KAZN: variants seen among roughly 807,000 people sequenced by gnomAD.
KAZN encodes kazrin.
A neutral mutation model predicts 87.4 loss-of-function variants in KAZN; 40 were observed. That is an observed-to-expected ratio of 0.46 (90% CI 0.36 to 0.60). The LOEUF (loss-of-function observed/expected upper bound fraction) is 0.60. Among genes scored for constraint, KAZN ranks in the 20% least tolerant of loss-of-function variants. The pLI is 0.00. For synonymous variants in KAZN, 466 were observed against 458.3 expected (o/e 1.02, Z -0.22); for missense variants, 898 against 1,073.9 (o/e 0.84, Z 2.29).
At chr1:14,890,985 A>G (rs930376479) in intron 1 of KAZN, among the ~76,000 whole-genome samples, 1 of 151,448 alleles carries the variant, frequency 6.6e-6, no homozygotes, top group Non-Finnish European at 1.5e-5. Context: ...CTGGGACTAC[A>G]GGCACCCGTC....
At chr1:14,098,675 G>A (rs1421178264) in intron 1 of KAZN, among the ~76,000 whole-genome samples, 2 of 152,152 alleles carry the variant, frequency 1.3e-5, no homozygotes, top group African/African-American at 4.8e-5. Context: ...TATTGCTGTA[G>A]GGTTGGGGCC....
chr1:14,653,646 T>G (rs1293057490), intron 1 of KAZN, among the ~76,000 whole-genome samples: 1 of 152,176 alleles, frequency 6.6e-6, no homozygotes, highest in East Asian at 1.9e-4. Context: ...GTAGGCCACA[T>G]CCCTCGGGGT....
intron 1 of KAZN, among the ~76,000 whole-genome samples, chr1:14,919,335 C>A (rs1305358765): frequency 6.6e-6 from 1 of 152,232 alleles, no homozygotes; most frequent in Admixed American, 6.5e-5. Flanking sequence ...TTCCACCACA[C>A]CTGGCTCACT....
At chr1:14,616,725 CGA>C (rs1200308899) in intron 1 of KAZN, among the ~76,000 whole-genome samples, 1 of 152,176 alleles carries the variant, frequency 6.6e-6, no homozygotes, top group African/African-American at 2.4e-5. Flanking sequence ...CTTGGAGCTG[CGA>C]TCTCAGGGTT....
At chr1:14,091,736 C>A (rs1359306856) in intron 1 of KAZN, among the ~76,000 whole-genome samples, 2 of 152,136 alleles carry the variant, frequency 1.3e-5, no homozygotes, top group African/African-American at 4.8e-5. Context: ...GAAAAATGCA[C>A]ATGGTCATGT....
chr1:13,982,774 A>G (rs1382768005), intron 1 of KAZN, among the ~76,000 whole-genome samples: 2 of 150,976 alleles, frequency 1.3e-5, no homozygotes, highest in Non-Finnish European at 3.0e-5. Flanking sequence ...CTAGATACAG[A>G]GTGTCCACTG....
chr1:14,369,127 A>C (rs1038146903), intron 2 of KAZN, among the ~76,000 whole-genome samples: 1 of 152,220 alleles, frequency 6.6e-6, no homozygotes, highest in East Asian at 1.9e-4. Flanking sequence ...GCGTAGCCTC[A>C]GGAAAGAATC....
intron 1 of KAZN, among the ~76,000 whole-genome samples, chr1:14,622,923 TA>T (rs1417522374): frequency 2.5e-5 from 3 of 120,028 alleles, no homozygotes; most frequent in Admixed American, 7.6e-5. Context: ...TCAGTGTTCT[TA>T]ATTTTTTTTT....
At chr1:15,020,451 T>C (rs1345717740) in intron 2 of KAZN, among the ~76,000 whole-genome samples, 1 of 152,164 alleles carries the variant, frequency 6.6e-6, no homozygotes, top group Non-Finnish European at 1.5e-5. Context: ...CCTCCGAAGG[T>C]AGCCTGTCGC....
chr1:14,410,085 A>G lies in KAZN; in HGVS notation c.250-188898A>G, dbSNP rs539008422. ...TGAGAGATCAGTTAAACAGAACAGA[A>G]TATTAATTGGAAAAGTCCAATTTAT... On this transcript the variant is annotated intron_variant, in intron 2 of 16. Coordinates refer to the KAZN transcript ENST00000636203. Among the ~76,000 whole-genome samples the G allele has an allele frequency of 2.6e-4, 40 of 152,334 alleles. 1 individual carries two copies. In the South Asian group the frequency reaches 3.5e-3, roughly 13 times the overall value.
rs778952483 is a variant in KAZN at position 14,599,616 on chromosome 1, G to C, written c.226+393G>C. Among the ~76,000 whole-genome samples the C allele has an allele frequency of 1.5e-4, 23 of 152,178 alleles. No individual in the cohort carries two copies. The highest frequency in any genetic ancestry group is 3.1e-4 in the Non-Finnish European group (21 of 68,040). On this transcript the variant is annotated intron_variant, in intron 1 of 14. Transcript: ENST00000376030. This position sits in a 1 kb window ranked among gnomAD's most constrained non-coding sequence, Gnocchi z 4.4. ...TGGCACAGTTCCCCCCACTTCCTTA[G>C]GCTCCTTCCCAGAGAGAGCTCCGGG...
intron 2 of KAZN, among the ~76,000 whole-genome samples, chr1:14,479,785 G>A (rs943356279): frequency 2.6e-5 from 4 of 152,144 alleles, no homozygotes; most frequent in Admixed American, 6.5e-5. Flanking sequence ...CTGGGACGTG[G>A]GAGGCGTTGC....
chr1:13,897,080 G>GAT (rs1639073256), intron 1 of KAZN, among the ~76,000 whole-genome samples: 1 of 152,030 alleles, frequency 6.6e-6, no homozygotes, highest in African/African-American at 2.4e-5. Flanking sequence ...AGGTTGGCAA[G>GAT]CTACATCCCT....
rs1014181026 is a variant in KAZN, at chr1:14,444,144, T to C, written c.250-154839T>C. ...TTCAGACACAGAGTAACTCTCAAAC[T>C]TTGAATTGCAAAGGCTTTCACTGCA... On this transcript the variant is annotated intron_variant, in intron 2 of 16. Transcript: ENST00000636203. Among the ~76,000 whole-genome samples, 6 of 152,126 alleles carry C rather than the reference T, an allele frequency of 3.9e-5. No homozygotes were observed. The South Asian group carries it at 1.2e-3, about 32-fold the overall frequency.
chr1:14,687,372 A>C (rs1401427046), intron 1 of KAZN, among the ~76,000 whole-genome samples: 1 of 152,186 alleles, frequency 6.6e-6, no homozygotes, highest in Non-Finnish European at 1.5e-5. Flanking sequence ...GAGAGAGGTG[A>C]ACTCAGAGAA....
At chr1:14,221,016 T>C (rs1220750731) in intron 2 of KAZN, among the ~76,000 whole-genome samples, 1 of 152,194 alleles carries the variant, frequency 6.6e-6, no homozygotes, top group Non-Finnish European at 1.5e-5. Context: ...TGATGCGGGA[T>C]GCTGGCTAAT....
At chr1:14,568,226 T>C (rs1189911992) in intron 2 of KAZN, among the ~76,000 whole-genome samples, 1 of 152,154 alleles carries the variant, frequency 6.6e-6, no homozygotes, top group African/African-American at 2.4e-5. Context: ...CTGCCTATCA[T>C]GAGGGCCACA....
chr1:14,378,573 C>G (rs1422854660), intron 2 of KAZN, among the ~76,000 whole-genome samples: 1 of 152,174 alleles, frequency 6.6e-6, no homozygotes, highest in African/African-American at 2.4e-5. Flanking sequence ...AATCTGAGTC[C>G]TTATGAGAGG....
At chr1:14,862,773 A>G (rs1442461048) in intron 1 of KAZN, among the ~76,000 whole-genome samples, 1 of 152,164 alleles carries the variant, frequency 6.6e-6, no homozygotes, top group Non-Finnish European at 1.5e-5. Context: ...TATATTCGGG[A>G]TGTGCTCAGC....
Sources: gnomAD v4.1 joint callset for allele counts (sites outside exome capture counted in the v4.1 genomes callset) on GRCh38, gnomAD v4.1.1 for gene constraint, Gnocchi (gnomAD v3.1) non-coding constraint, MANE v1.5 for transcripts, NCBI Gene and HGNC (gene_info 2026-07-23, HGNC 2026-07-21) for gene names.